Variants in RGL2 observed in about 807,000 individuals in gnomAD.
RGL2 encodes ral guanine nucleotide dissociation stimulator-like 2.
Under a neutral mutation model 84.6 loss-of-function variants are expected in RGL2, and 40 were observed. The observed-to-expected ratio is 0.47, with a 90% CI of 0.37 to 0.62. The LOEUF (loss-of-function observed/expected upper bound fraction) is 0.62, where lower values mean the gene tolerates loss of function less well. Among genes scored for constraint, RGL2 ranks in the 20% least tolerant of loss-of-function variants. RGL2 has a pLI of 0.00. For synonymous variants in RGL2, 369 were observed against 417.3 expected (o/e 0.88, Z 1.41); for missense variants, 865 against 1,019.7 (o/e 0.85, Z 2.07).
Position 33,293,087 on chromosome 6 carries a change from C to G in RGL2, c.1936G>C (p.Ala646Pro), listed in dbSNP as rs763751999. The stretch of plus-strand genomic sequence containing the variant: ...ACTCGGATGATACGGCAATCAGAGG[C>G]CCCTGGCCCAGATCCCTCTCCCCCA... ...GYGGEGSGPG[A>P]SDCRIIRVQM... The change falls in exon 16 of 18, where the codon GCC becomes CCC. Residue 646 changes from alanine (A) to proline (P), a missense_variant. Physicochemically the swap from Ala to Pro is conservative, Grantham distance 27. This residue lies in a region of RGL2 where 302 missense variants were observed against 327.9 expected (regional missense o/e 0.92). Transcript: ENST00000497454. This position sits in a 1 kb window ranked among gnomAD's most constrained non-coding sequence, Gnocchi z 7.0. The G allele has an allele frequency of 2.5e-6, 4 of 1,614,200 alleles. No individual in the cohort carries two copies. Among genetic ancestry groups the G allele is most frequent in the Non-Finnish European group, 2.5e-6 (3 of 1,180,038 alleles).
In RGL2 at chr6:33,296,154, C is replaced by A. The variant is rs780366837; in HGVS notation, c.642G>T (p.Arg214=). The A allele has an allele frequency of 2.5e-6, 4 of 1,613,912 alleles. No homozygotes were observed. Among genetic ancestry groups the A allele is most frequent in the Non-Finnish European group, 3.4e-6 (4 of 1,179,984 alleles). ...GAAGGTCGGGGGCCTGGGGGTCCAC[C>A]CGGGACCGGAGATTGCGGATGAGGT... The part of the protein sequence containing the change: ...SADLIRNLRS[R]VDPQAPDLPK... The change falls in exon 6 of 18, where the codon CGG becomes CGT. Residue 214 remains arginine (R), a synonymous_variant. Transcript: ENST00000497454. The surrounding 1 kb of genome is among the most constrained non-coding windows in gnomAD (Gnocchi z 5.0).
upstream of RGL2, among the ~76,000 whole-genome samples, chr6:33,299,510 G>T (rs1402210396): frequency 6.6e-6 from 1 of 152,088 alleles, no homozygotes; most frequent in Admixed American, 6.5e-5. The surrounding 1 kb of genome is among the most constrained non-coding windows in gnomAD (Gnocchi z 5.0). Flanking sequence ...CGAGATCCCC[G>T]TCGGCTCGGT....
rs1767751641 is a variant in RGL2 at position 33,294,617 on chromosome 6, G to A, written c.1353+71C>T. On this transcript the variant is annotated intron_variant, in intron 11 of 17. Coordinates refer to ENST00000497454, the MANE Select transcript of RGL2 (RefSeq NM_004761.5). This position sits in a 1 kb window ranked among gnomAD's most constrained non-coding sequence, Gnocchi z 5.0. ...TGTGCCTTACAGCCCCTTGCAAGGG[G>A]CGGGGGGGTCTGTCCGACCCTGCAG... 1 of 1,551,660 alleles carries A rather than the reference G, an allele frequency of 6.4e-7. No individual in the cohort carries two copies. Among genetic ancestry groups the A allele is most frequent in the African/African-American group, 1.4e-5 (1 of 73,982 alleles).
At chr6:33,292,739 G>A (rs1210318040) in intron 16 of RGL2, among the ~76,000 whole-genome samples, 195 bp from the exon 17 acceptor site, 1 of 152,216 alleles carries the variant, frequency 6.6e-6, no homozygotes, top group Non-Finnish European at 1.5e-5. Flanking sequence ...CTGCTTCCCT[G>A]TGGGGAAACT....
At position 33,296,381 on chromosome 6, in the gene RGL2, G is replaced by C; in HGVS notation, c.470+33C>G. Reference sequence around the variant, plus strand: ...GGTAAAGCTGCAGCCTGGGCAGAGGGGACTGTGAGATTAAGAACCAGGGGT... The same window carrying C: ...GGTAAAGCTGCAGCCTGGGCAGAGGCGACTGTGAGATTAAGAACCAGGGGT... On this transcript the variant is annotated intron_variant, in intron 5 of 17. Transcript: ENST00000497454. This position sits in a 1 kb window ranked among gnomAD's most constrained non-coding sequence, Gnocchi z 5.0. 6.2e-7 allele frequency: 1 copy of C among 1,606,590 alleles called. No homozygotes were observed. The highest frequency in any genetic ancestry group is 2.2e-5 in the East Asian group (1 of 44,836).
rs894095784 is a variant in RGL2 at position 33,298,527 on chromosome 6, G to A, written c.84C>T (p.Pro28=). The A allele has an allele frequency of 6.6e-7, 1 of 1,504,658 alleles. No homozygotes were observed. Among genetic ancestry groups the A allele is most frequent in the Non-Finnish European group, 8.9e-7 (1 of 1,128,324 alleles). The allele number at this position is 1,504,658 out of a possible 1,614,324, so 93.2% of individuals were successfully genotyped here. ...VVLSSFRSRD[P]EEGGGPGGLV... The stretch of plus-strand genomic sequence containing the variant: ...GGCCACCTGGGCCCCCACCCTCTTC[G>A]GGGTCCCGGCTTCGGAAGCTGCTCA... The change falls in exon 2 of 18, where the codon CCC becomes CCT. Residue 28 remains proline (P), a synonymous_variant. Transcript: ENST00000497454. This position sits in a 1 kb window ranked among gnomAD's most constrained non-coding sequence, Gnocchi z 4.8.
Position 33,298,700 on chromosome 6 carries a change from G to T in RGL2, c.-41-49C>A. 1.1e-6 allele frequency: 1 copy of T among 880,172 alleles called. No homozygotes were observed. The highest frequency in any genetic ancestry group is 1.9e-5 in the South Asian group (1 of 51,406). The allele number at this position is 880,172 out of a possible 1,614,324, so 54.5% of individuals were successfully genotyped here. The stretch of plus-strand genomic sequence containing the variant: ...GGGGTGGAGAGTCAGGCAGGCGCGG[G>T]GGAACCGGGCAGGGAAGGGACGTGG... On this transcript the variant is annotated intron_variant, in intron 1 of 17. Transcript: ENST00000497454. This position sits in a 1 kb window ranked among gnomAD's most constrained non-coding sequence, Gnocchi z 4.8.
upstream of RGL2, chr6:33,298,956 T>G: frequency 1.4e-5 from 3 of 209,320 alleles, no homozygotes; most frequent in Non-Finnish European, 2.9e-5. The surrounding 1 kb of genome is among the most constrained non-coding windows in gnomAD (Gnocchi z 4.8). Context: ...TCCCCGGCTT[T>G]TCCGTACCCC....
Position 33,298,394 on chromosome 6 carries a change from A to C in RGL2, c.156+61T>G. On this transcript the variant is annotated intron_variant, in intron 2 of 17. Coordinates refer to ENST00000497454, the MANE Select transcript of RGL2 (RefSeq NM_004761.5). The surrounding 1 kb of genome is among the most constrained non-coding windows in gnomAD (Gnocchi z 4.8). Reference sequence around the variant, plus strand: ...GAGGAGATGTAGGGACCCAGAGACAAGAGAAAAGTGGAGACTTCAGAAATA... The same window carrying C: ...GAGGAGATGTAGGGACCCAGAGACACGAGAAAAGTGGAGACTTCAGAAATA... The C allele has an allele frequency of 5.5e-6, 5 of 912,460 alleles. No homozygotes were observed. Among genetic ancestry groups the C allele is most frequent in the Non-Finnish European group, 6.5e-6 (4 of 611,278 alleles). The allele number at this position is 912,460 out of a possible 1,614,324, so 56.5% of individuals were successfully genotyped here. A position where few individuals can be genotyped will look rare whatever the true frequency, so the allele number is the denominator to read the frequency against.
At position 33,298,568 on chromosome 6, in the gene RGL2, G is replaced by C; in HGVS notation, c.43C>G (p.Pro15Ala). 1 of 1,470,620 alleles carries C rather than the reference G, an allele frequency of 6.8e-7. No homozygotes were observed. The allele number at this position is 1,470,620 out of a possible 1,614,324, so 91.1% of individuals were successfully genotyped here. The change falls in exon 2 of 18, where the codon CCC becomes GCC. Residue 15 changes from proline (P) to alanine (A), a missense_variant. Physicochemically the swap from Pro to Ala is conservative, Grantham distance 27. Around this residue, in one of 5 missense-constraint regions of RGL2, gnomAD observed 23 missense variants for 22.7 expected, o/e 1.01. Transcript: ENST00000497454. This position sits in a 1 kb window ranked among gnomAD's most constrained non-coding sequence, Gnocchi z 4.8. ...PLRLLLDTSP[P>A]GGVVLSSFRS... ...AAGCTGCTCAGTACGACTCCCCCGG[G>C]GGGGCTCGTGTCCAAAAGCAGCCGC... is the stretch of plus-strand genomic sequence containing the variant.
Position 33,296,540 on chromosome 6 carries a change from G to T in RGL2, c.419+58C>A, listed in dbSNP as rs1767977962. 1 of 1,585,180 alleles carries T rather than the reference G, an allele frequency of 6.3e-7. No homozygotes were observed. Among genetic ancestry groups the T allele is most frequent in the South Asian group, 1.2e-5 (1 of 86,810 alleles). On this transcript the variant is annotated intron_variant, in intron 4 of 17. Transcript: ENST00000497454. This position sits in a 1 kb window ranked among gnomAD's most constrained non-coding sequence, Gnocchi z 5.0. ...GCTTTGACTATTTTGGTGGGATGTT[G>T]CGGCTTTAGGAAATCCGGGCAGATA...
At position 33,293,405 on chromosome 6, in the gene RGL2, G is replaced by A. The variant is rs1418851056; in HGVS notation, c.1716+8C>T. ...AGCGTCAAGGTCAGAGTCAGGAGCAGAGCTCACCTGGGCCAGCCGAGTCAG... is the reference window on the plus strand; with the variant it reads ...AGCGTCAAGGTCAGAGTCAGGAGCAAAGCTCACCTGGGCCAGCCGAGTCAG... On this transcript the variant is annotated splice_region_variant and intron_variant, in intron 15 of 17. Coordinates refer to ENST00000497454, the MANE Select transcript of RGL2 (RefSeq NM_004761.5). The surrounding 1 kb of genome is among the most constrained non-coding windows in gnomAD (Gnocchi z 7.0). The A allele has an allele frequency of 6.2e-7, 1 of 1,612,394 alleles. No homozygotes were observed. Among genetic ancestry groups the A allele is most frequent in the East Asian group, 2.2e-5 (1 of 44,876 alleles).
In RGL2 at chr6:33,296,161, C is replaced by A; in HGVS notation, c.635G>T (p.Arg212Leu). The change falls in exon 6 of 18, where the codon CGG becomes CTG. Residue 212 changes from arginine to leucine, a missense_variant. Coordinates refer to ENST00000497454, the MANE Select transcript of RGL2 (RefSeq NM_004761.5). This position sits in a 1 kb window ranked among gnomAD's most constrained non-coding sequence, Gnocchi z 5.0. ...GGSADLIRNL[R>L]SRVDPQAPDL... ...GGGGGCCTGGGGGTCCACCCGGGAC[C>A]GGAGATTGCGGATGAGGTCAGCGCT... 1 of 1,613,904 alleles carries A rather than the reference C, an allele frequency of 6.2e-7. No homozygotes were observed. Among genetic ancestry groups the A allele is most frequent in the Non-Finnish European group, 8.5e-7 (1 of 1,179,970 alleles).
At position 33,295,318 on chromosome 6, in the gene RGL2, C is replaced by G. The variant is rs149691581; in HGVS notation, c.1124+1G>C. 5.7e-6 allele frequency: 9 copies of G among 1,571,034 alleles called. No individual in the cohort carries two copies. In the African/African-American group the frequency reaches 1.1e-4, roughly 19 times the overall value. On this transcript the variant is annotated splice_donor_variant, in intron 8 of 17. Transcript: ENST00000497454. LOFTEE classifies it high-confidence loss of function. The surrounding 1 kb of genome is among the most constrained non-coding windows in gnomAD (Gnocchi z 7.2). ...CCAGTCCAATGCCTCAGCCTCCGCA[C>G]CTGGTTGCTTCCCCCCAGGCTGCCC...
chr6:33,292,461 A>G lies in RGL2; in HGVS notation c.2091T>C (p.Tyr697=), dbSNP rs759673786. The change falls in exon 17 of 18, where the codon TAT becomes TAC. Residue 697 remains tyrosine (Y), a synonymous_variant. Coordinates refer to ENST00000497454, the MANE Select transcript of RGL2 (RefSeq NM_004761.5). ...CCCCTGGTAGCAGCTGTACCAGCTC[A>G]TACTCTGAAGCCACTGCAGAGTCAC... ...NNRDSAVASE[Y]ELVQLLPGER... The G allele has an allele frequency of 7.4e-6, 12 of 1,614,160 alleles. No individual in the cohort carries two copies. The South Asian group carries it at 1.3e-4, about 18-fold the overall frequency.
Position 33,293,994 on chromosome 6 carries a change from G to A in RGL2, c.1386+40C>T. On this transcript the variant is annotated intron_variant, in intron 12 of 17. Coordinates refer to ENST00000497454, the MANE Select transcript of RGL2 (RefSeq NM_004761.5). The surrounding 1 kb of genome is among the most constrained non-coding windows in gnomAD (Gnocchi z 7.0). ...TTCCCCCTCCCCTTCCTGGAACATGGATAGGGAAGTCCAGCATCCAGCCCA... is the reference window on the plus strand; with the variant it reads ...TTCCCCCTCCCCTTCCTGGAACATGAATAGGGAAGTCCAGCATCCAGCCCA... The A allele has an allele frequency of 6.2e-7, 1 of 1,613,952 alleles. No homozygotes were observed. The highest frequency in any genetic ancestry group is 8.5e-7 in the Non-Finnish European group (1 of 1,180,000).
chr6:33,296,746 G>A lies in RGL2; in HGVS notation c.271C>T (p.Arg91Trp), dbSNP rs200216256. ...GCCTCCAGAGTGCCAGCTCGGAGCC[G>A]TCGGGAGGAACGTGGGGGAGGCATA... ...VPMPPPRSSR[R>W]LRAGTLEALV... Residue 91 changes from arginine to tryptophan, a missense_variant, in exon 4 of 18, where the codon CGG becomes TGG. Arg to Trp is a moderately radical substitution (Grantham distance 101). This residue lies in a region of RGL2 where 455 missense variants were observed against 507.8 expected (regional missense o/e 0.90). Transcript: ENST00000497454. The surrounding 1 kb of genome is among the most constrained non-coding windows in gnomAD (Gnocchi z 5.0). The A allele has an allele frequency of 4.6e-5, 74 of 1,613,932 alleles. No homozygotes were observed. Among genetic ancestry groups the A allele is most frequent in the Non-Finnish European group, 5.5e-5 (65 of 1,180,028 alleles).
chr6:33,298,977 C>T, upstream of RGL2: 1 of 181,398 alleles, frequency 5.5e-6, no homozygotes, highest in Non-Finnish European at 1.1e-5. The surrounding 1 kb of genome is among the most constrained non-coding windows in gnomAD (Gnocchi z 4.8). Flanking sequence ...CTTGAACCCC[C>T]CCGCCGGGCT....
rs759889813 is a variant in RGL2 at position 33,294,278 on chromosome 6, GACA to G, written c.1354-215_1354-213del. ...CCCTTTAAATTGAATTTCTCAGGTA[GACA>G]ACGAGTCTGCTTTGCAGATGAGAGG... On this transcript the variant is annotated intron_variant, in intron 11 of 17. Transcript: ENST00000497454. This position sits in a 1 kb window ranked among gnomAD's most constrained non-coding sequence, Gnocchi z 5.0. Among the ~76,000 whole-genome samples the G allele has an allele frequency of 6.6e-6, 1 of 152,112 alleles. No individual in the cohort carries two copies. The highest frequency in any genetic ancestry group is 1.5e-5 in the Non-Finnish European group (1 of 68,008).
Sources: allele counts gnomAD v4.1 joint callset (sites outside exome capture counted in the v4.1 genomes callset), GRCh38; gene constraint gnomAD v4.1.1; regional missense constraint gnomAD v4.1.1; non-coding constraint Gnocchi (gnomAD v3.1); transcripts MANE v1.5; gene names NCBI Gene and HGNC (gene_info 2026-07-23, HGNC 2026-07-21).